ASTL: variants seen among roughly 807,000 people sequenced by gnomAD.
ASTL encodes the protein astacin-like metalloendopeptidase.
Under a neutral mutation model 36.7 loss-of-function variants are expected in ASTL, and 27 were observed. The observed-to-expected ratio is 0.73, with a 90% confidence interval of 0.54 to 1.01. The LOEUF (loss-of-function observed/expected upper bound fraction) is 1.01, where lower values mean the gene tolerates loss of function less well. Among genes scored for constraint, ASTL ranks in the 50% least tolerant of loss-of-function variants. The pLI is 0.00. For synonymous variants in ASTL, 222 were observed against 228.1 expected, an observed-to-expected ratio of 0.97 and a Z score of 0.24; for missense variants, 524 against 572.8, an observed-to-expected ratio of 0.91 and a Z score of 0.87.
chr2:96,136,855 G>T (rs1682311033), intron 2 of ASTL, among the ~76,000 whole-genome samples: 1 of 152,108 alleles, frequency 6.6e-6, no homozygotes, highest in Non-Finnish European at 1.5e-5. Context: ...CCTGACTTTT[G>T]TTTTTTGTTT....
intron 4 of ASTL, 26 bp from the exon 5 acceptor site, chr2:96,133,568 C>A: frequency 1.3e-6 from 2 of 1,544,260 alleles, no homozygotes; most frequent in Non-Finnish European, 1.8e-6. Flanking sequence ...TGGCTGAGCC[C>A]CCAGAGCCCT....
intron 6 of ASTL, among the ~76,000 whole-genome samples, chr2:96,131,075 G>T (rs1682169333): frequency 6.6e-6 from 1 of 152,014 alleles, no homozygotes; most frequent in Non-Finnish European, 1.5e-5. Flanking sequence ...TTTTTCCACT[G>T]GGGAACCCGT....
chr2:96,133,396 G>A (rs773350654), intron 5 of ASTL, 29 bp downstream of exon 5: 5 of 1,401,874 alleles, frequency 3.6e-6, no homozygotes, highest in Non-Finnish European at 3.0e-6. Flanking sequence ...GAAGCGAGCT[G>A]AGATACGCAT....
Position 96,123,297 on chromosome 2 carries a change from G to A in ASTL, c.*553C>T, listed in dbSNP as rs1681994675. On this transcript the variant is annotated 3_prime_UTR_variant, in exon 9 of 9. Coordinates refer to ENST00000342380, the MANE Select transcript of ASTL (RefSeq NM_001002036.4). ...GCCACACTTGACCTACCACCTTCCT[G>A]CTCTGCAGGGGAGTAAGTTGGGCTC... Among the ~76,000 whole-genome samples, 1 of 152,226 alleles carries A rather than the reference G, an allele frequency of 6.6e-6. No homozygotes were observed. The highest frequency in any genetic ancestry group is 2.1e-4 in the South Asian group (1 of 4,836).
chr2:96,129,150 C>A (rs993074864), intron 8 of ASTL, among the ~76,000 whole-genome samples: 6 of 151,976 alleles, frequency 3.9e-5, no homozygotes, highest in Admixed American at 2.0e-4. Flanking sequence ...GCCTTCCTTT[C>A]AATAACAGAT....
chr2:96,133,770 G>A (rs544935007), intron 4 of ASTL, 195 bp downstream of exon 4: 10 of 646,398 alleles, frequency 1.5e-5, no homozygotes, highest in Admixed American at 6.9e-5. Context: ...ATCCCCACTC[G>A]ACATACCTTC....
In ASTL at chr2:96,133,958, C is replaced by G. The variant is rs1164188340; in HGVS notation, c.337+7G>C. Reference sequence around the variant, plus strand: ...AGGCAGGGAGGGAGCGCGCCATGCTCACTCACCGTACTTGCTGGAGAGCAG... The same window carrying G: ...AGGCAGGGAGGGAGCGCGCCATGCTGACTCACCGTACTTGCTGGAGAGCAG... On this transcript the variant is annotated splice_region_variant and intron_variant, in intron 4 of 8. Transcript: ENST00000342380. The G allele has an allele frequency of 1.1e-5, 17 of 1,600,068 alleles. No homozygotes were observed. Among genetic ancestry groups the G allele is most frequent in the Non-Finnish European group, 1.5e-5 (17 of 1,167,274 alleles).
At chr2:96,129,243 C>T (rs2969491) in intron 8 of ASTL, among the ~76,000 whole-genome samples, 47,244 of 151,926 alleles carry the variant, frequency 0.31, 7,719 homozygotes, top group East Asian at 0.42. Context: ...CAGATTTATT[C>T]CTTGGGACCT....
chr2:96,123,289 A>G lies in ASTL; in HGVS notation c.*561T>C, dbSNP rs1681994426. ...CAATGGTGGCCACACTTGACCTACC[A>G]CCTTCCTGCTCTGCAGGGGAGTAAG... On this transcript the variant is annotated 3_prime_UTR_variant, in exon 9 of 9. Transcript: ENST00000342380. Among the ~76,000 whole-genome samples, 1 of 152,196 alleles carries G rather than the reference A, an allele frequency of 6.6e-6. No homozygotes were observed. The highest frequency in any genetic ancestry group is 2.4e-5 in the African/African-American group (1 of 41,454).
Position 96,134,071 on chromosome 2 carries a change from C to T in ASTL, c.244-13G>A, listed in dbSNP as rs1232407078. The T allele has an allele frequency of 6.2e-7, 1 of 1,601,168 alleles. No homozygotes were observed. The highest frequency in any genetic ancestry group is 1.7e-4 in the Middle Eastern group (1 of 6,030). The stretch of plus-strand genomic sequence containing the variant: ...GTCGGAAGGGACTCTGAGGAGAGAG[C>T]AGCAGTTCAACCCCTGGGGACAGAG... On this transcript the variant is annotated splice_polypyrimidine_tract_variant and intron_variant, in intron 3 of 8. Coordinates refer to ENST00000342380, the MANE Select transcript of ASTL (RefSeq NM_001002036.4).
chr2:96,135,502 A>G, intron 2 of ASTL, 90 bp from the exon 3 acceptor site: 1 of 1,130,966 alleles, frequency 8.8e-7, no homozygotes, highest in Non-Finnish European at 1.3e-6. Context: ...ACTTAAGTCT[A>G]TTCTTGTGTC....
At chr2:96,137,832 A>C (rs1682336779) in intron 1 of ASTL, 132 bp from the exon 2 acceptor site, 1 of 926,904 alleles carries the variant, frequency 1.1e-6, no homozygotes. Context: ...GCTCCAGCAC[A>C]AAGCCAAGGA....
At position 96,132,531 on chromosome 2, in the gene ASTL, C is replaced by T. The variant is rs1374766465; in HGVS notation, c.637+9G>A. On this transcript the variant is annotated intron_variant, in intron 6 of 8. Transcript: ENST00000342380. The surrounding 1 kb of genome is among the most constrained non-coding windows in gnomAD (Gnocchi z 5.4). ...GGCACCAGCCTGTCCTGCGTGTGGC[C>T]TGGCTCACCTGGCAGGATCTCGTTC... 1 of 1,586,750 alleles carries T rather than the reference C, an allele frequency of 6.3e-7. No homozygotes were observed. Among genetic ancestry groups the T allele is most frequent in the Non-Finnish European group, 8.6e-7 (1 of 1,160,016 alleles).
chr2:96,135,753 G>A (rs148671657), intron 2 of ASTL, among the ~76,000 whole-genome samples: 50 of 152,260 alleles, frequency 3.3e-4, no homozygotes, highest in African/African-American at 1.2e-3. Flanking sequence ...CTGAGCCTGC[G>A]TGGCCTCAGG....
intron 2 of ASTL, 33 bp downstream of exon 2, chr2:96,137,542 C>T (rs201089480): frequency 1.9e-6 from 3 of 1,607,648 alleles, no homozygotes; most frequent in Non-Finnish European, 1.7e-6. Flanking sequence ...ACGTCGTGCC[C>T]CTCCAGGCCG....
intron 2 of ASTL, 143 bp from the exon 3 acceptor site, chr2:96,135,555 G>A: frequency 1.4e-6 from 1 of 716,104 alleles, no homozygotes; most frequent in South Asian, 1.8e-5. Context: ...TAAATAGCCT[G>A]ATAAAAGTAT....
chr2:96,123,663 C>T lies in ASTL; in HGVS notation c.*187G>A, dbSNP rs1037664548. On this transcript the variant is annotated 3_prime_UTR_variant, in exon 9 of 9. Transcript: ENST00000342380. ...TTCCCCTGTGGCAGAGCTAGAAGAA[C>T]CCCTGGCCCTAGGAGCCCTTAGGGG... 6.6e-6 allele frequency among the ~76,000 whole-genome samples: 1 copy of T among 152,168 alleles called. No individual in the cohort carries two copies. Among genetic ancestry groups the T allele is most frequent in the Non-Finnish European group, 1.5e-5 (1 of 68,030 alleles).
chr2:96,132,510 C>G lies in ASTL; in HGVS notation c.637+30G>C. The G allele has an allele frequency of 6.4e-7, 1 of 1,557,906 alleles. No homozygotes were observed. The highest frequency in any genetic ancestry group is 8.8e-7 in the Non-Finnish European group (1 of 1,142,396). ...AAGCCGTGCTGTCCCCTCCCCGGCACCAGCCTGTCCTGCGTGTGGCCTGGC... is the reference window on the plus strand; with the variant it reads ...AAGCCGTGCTGTCCCCTCCCCGGCAGCAGCCTGTCCTGCGTGTGGCCTGGC... On this transcript the variant is annotated intron_variant, in intron 6 of 8. Coordinates refer to ENST00000342380, the MANE Select transcript of ASTL (RefSeq NM_001002036.4). This position sits in a 1 kb window ranked among gnomAD's most constrained non-coding sequence, Gnocchi z 5.4.
rs1415177753 is a variant in ASTL at position 96,133,456 on chromosome 2, T to G, written c.424A>C (p.Arg142=). ...ATGGGGATGATGGAAATGAAGTCTC[T>G]CTGGTCCTGATAGGTGACAAACCTG... ...CIRFVTYQDQ[R]DFISIIPMYG... Residue 142 remains arginine, a synonymous_variant, in exon 5 of 9, where the codon AGA becomes CGA. Transcript: ENST00000342380. 9 of 1,613,578 alleles carry G rather than the reference T, an allele frequency of 5.6e-6. No individual in the cohort carries two copies. Among genetic ancestry groups the G allele is most frequent in the Non-Finnish European group, 7.6e-6 (9 of 1,179,590 alleles).
Sources: gnomAD v4.1 joint callset for allele counts (sites outside exome capture counted in the v4.1 genomes callset) on GRCh38, gnomAD v4.1.1 for gene constraint, Gnocchi (gnomAD v3.1) non-coding constraint, MANE v1.5 for transcripts, NCBI Gene and HGNC (gene_info 2026-07-23, HGNC 2026-07-21) for gene names.